PITPNC1: variants seen among roughly 807,000 people sequenced by gnomAD.
PITPNC1 encodes phosphatidylinositol transfer protein cytoplasmic 1, also known as cytoplasmic phosphatidylinositol transfer protein 1.
Under a neutral mutation model 44.7 loss-of-function variants are expected in PITPNC1, and 18 were observed. The observed-to-expected ratio is 0.40, with a 90% CI of 0.28 to 0.60. The LOEUF is 0.60. PITPNC1 is among the 20% of genes least tolerant of loss of function. The pLI, the probability that PITPNC1 is intolerant of heterozygous loss-of-function variation, is 0.39. For synonymous variants in PITPNC1, 141 were observed against 149.6 expected (o/e 0.94, Z 0.42); for missense variants, 290 against 418.4 (o/e 0.69, Z 2.68).
At chr17:67,502,464 T>C (rs1388278404) in intron 1 of PITPNC1, among the ~76,000 whole-genome samples, 1 of 152,104 alleles carries the variant, frequency 6.6e-6, no homozygotes, top group Non-Finnish European at 1.5e-5. Flanking sequence ...ATATTGAAGA[T>C]TTAAGGAACG....
chr17:67,668,635 G>T (rs891829422), intron 6 of PITPNC1, among the ~76,000 whole-genome samples: 1 of 151,998 alleles, frequency 6.6e-6, no homozygotes, highest in Non-Finnish European at 1.5e-5. Flanking sequence ...AGGCCGAGGC[G>T]GGCAGATCAC....
intron 1 of PITPNC1, among the ~76,000 whole-genome samples, chr17:67,530,962 G>A (rs1416661130): frequency 6.6e-6 from 1 of 152,194 alleles, no homozygotes; most frequent in Non-Finnish European, 1.5e-5. Flanking sequence ...TTGATTTCAG[G>A]CTGGGCACTG....
chr17:67,427,405 G>T (rs776632969), intron 1 of PITPNC1, among the ~76,000 whole-genome samples: 3 of 151,866 alleles, frequency 2.0e-5, no homozygotes, highest in Non-Finnish European at 4.4e-5. Context: ...GTAGAGATGG[G>T]GTTTCACTGT....
At position 67,668,634 on chromosome 17, in the gene PITPNC1, C is replaced by T. The variant is rs536312195; in HGVS notation, c.463-874C>T. Among the ~76,000 whole-genome samples, 8 of 152,130 alleles carry T rather than the reference C, an allele frequency of 5.3e-5. No homozygotes were observed. The East Asian group carries it at 9.7e-4, about 18-fold the overall frequency. On this transcript the variant is annotated intron_variant, in intron 6 of 8. Coordinates refer to ENST00000581322, the MANE Select transcript of PITPNC1 (RefSeq NM_012417.4). ...ATCCCAGCACTTTGGGAGGCCGAGG[C>T]GGGCAGATCACGAGGTCAGGAGATC...
chr17:67,457,696 T>C (rs2039275702), intron 1 of PITPNC1: 2 of 152,260 alleles, frequency 1.3e-5, no homozygotes, highest in African/African-American at 2.4e-5. Context: ...TATCTGGCTG[T>C]TCTTTAGGCT....
intron 2 of PITPNC1, among the ~76,000 whole-genome samples, chr17:67,541,279 C>T (rs1280452983): frequency 1.3e-5 from 2 of 151,960 alleles, no homozygotes; most frequent in African/African-American, 2.4e-5. Flanking sequence ...AGAAAAACTT[C>T]AGTAGTTTGG....
rs151106748 is a variant in PITPNC1 at position 67,676,537 on chromosome 17, C to T, written c.682+995C>T. On this transcript the variant is annotated intron_variant, in intron 8 of 8. Coordinates refer to ENST00000581322, the MANE Select transcript of PITPNC1 (RefSeq NM_012417.4). This position sits in a 1 kb window ranked among gnomAD's most constrained non-coding sequence, Gnocchi z 4.0. The stretch of plus-strand genomic sequence containing the variant: ...ATAAATAGAAAGGAACACGCCCCAC[C>T]GGTGACTTAGGTTAGATCTGATTTT... 6.6e-5 allele frequency among the ~76,000 whole-genome samples: 10 copies of T among 152,224 alleles called. No homozygotes were observed. In the East Asian group the frequency reaches 1.4e-3, roughly 21 times the overall value.
At chr17:67,487,026 C>G (rs763028276) in intron 1 of PITPNC1, among the ~76,000 whole-genome samples, 8 of 151,326 alleles carry the variant, frequency 5.3e-5, no homozygotes, top group Non-Finnish European at 8.8e-5. Context: ...GAGCAAGACT[C>G]TGTCTAAAAA....
Position 67,666,522 on chromosome 17 carries a change from G to A in PITPNC1, c.463-2986G>A, listed in dbSNP as rs1214234586. ...AGAAAAATAAGTAATAACATCAAAGGCCTTGTACCTCCTTCCTGCCAGGGC... is the reference window on the plus strand; with the variant it reads ...AGAAAAATAAGTAATAACATCAAAGACCTTGTACCTCCTTCCTGCCAGGGC... On this transcript the variant is annotated intron_variant, in intron 6 of 8. Coordinates refer to ENST00000581322, the MANE Select transcript of PITPNC1 (RefSeq NM_012417.4). Among the ~76,000 whole-genome samples the A allele has an allele frequency of 2.6e-5, 4 of 152,190 alleles. No individual in the cohort carries two copies. In the East Asian group the frequency reaches 7.7e-4, roughly 29 times the overall value.
chr17:67,452,637 C>T (rs1046165263), intron 1 of PITPNC1, among the ~76,000 whole-genome samples: 2 of 150,640 alleles, frequency 1.3e-5, no homozygotes, highest in African/African-American at 2.4e-5. Context: ...GGACTACAGG[C>T]GTGCGCCACC....
rs58157288 is a variant in PITPNC1 at position 67,555,714 on chromosome 17, G to T, written c.294+2097G>T. Among the ~76,000 whole-genome samples, 270 of 151,092 alleles carry T rather than the reference G, an allele frequency of 1.8e-3. 1 individual carries two copies. The highest frequency in any genetic ancestry group is 6.1e-3 in the African/African-American group (253 of 41,230). ...AAAAAGGTAGTTGGGTGTGGTGGCG[G>T]GCGCCTATAATCCCAGCTACTTGGG... On this transcript the variant is annotated intron_variant, in intron 4 of 8. Coordinates refer to ENST00000581322, the MANE Select transcript of PITPNC1 (RefSeq NM_012417.4).
intron 1 of PITPNC1, among the ~76,000 whole-genome samples, chr17:67,412,877 C>G (rs1246138330): frequency 1.3e-5 from 2 of 152,170 alleles, no homozygotes; most frequent in Non-Finnish European, 2.9e-5. Context: ...TCATATTTCT[C>G]TTTATACTTA....
In PITPNC1 at chr17:67,599,035, T is replaced by TATATATATATATA. The variant is rs71139161; in HGVS notation, c.366+20778_366+20779insATATATATATATA. ...ATATATATATATATATATATATATA[T>TATATATATATATA]TTTTTTTTTTTTTTTTTTTACCATG... On this transcript the variant is annotated intron_variant, in intron 5 of 8. Transcript: ENST00000581322. Among the ~76,000 whole-genome samples, 103 of 28,734 alleles carry TATATATATATATA rather than the reference T, an allele frequency of 3.6e-3. 1 individual carries two copies. The highest frequency in any genetic ancestry group is 4.2e-3 in the East Asian group (4 of 944). The allele number at this position is 28,734 out of a possible 152,430, so 18.9% of individuals were successfully genotyped here.
Position 67,584,568 on chromosome 17 carries a change from T to TC in PITPNC1, c.366+6313dup, listed in dbSNP as rs1270597307. On this transcript the variant is annotated intron_variant, in intron 5 of 8. Coordinates refer to ENST00000581322, the MANE Select transcript of PITPNC1 (RefSeq NM_012417.4). Reference sequence around the variant, plus strand: ...AAAAAAAAATAGGATAAATAATGCTTCCATCAGGGTGTAGAGGATGCATAG... The same window carrying TC: ...AAAAAAAAATAGGATAAATAATGCTTCCCATCAGGGTGTAGAGGATGCATAG... 3.3e-5 allele frequency among the ~76,000 whole-genome samples: 5 copies of TC among 152,212 alleles called. No individual in the cohort carries two copies. In the East Asian group the frequency reaches 7.7e-4, roughly 23 times the overall value.
intron 5 of PITPNC1, among the ~76,000 whole-genome samples, chr17:67,624,501 G>A (rs2041872017): frequency 6.6e-6 from 1 of 151,658 alleles, no homozygotes; most frequent in Admixed American, 6.6e-5. Flanking sequence ...GCCTTGCCAA[G>A]ATTCTTTTCT....
intron 1 of PITPNC1, among the ~76,000 whole-genome samples, chr17:67,506,908 C>G (rs547198209): frequency 4.6e-5 from 7 of 152,160 alleles, no homozygotes; most frequent in Non-Finnish European, 8.8e-5. Context: ...AATATGTACC[C>G]AAATGTTAAC....
At chr17:67,550,475 C>T (rs932338563) in intron 2 of PITPNC1, among the ~76,000 whole-genome samples, 1 of 151,652 alleles carries the variant, frequency 6.6e-6, no homozygotes, top group Non-Finnish European at 1.5e-5. Context: ...ATTTTACGGG[C>T]TCTGATTGTC....
At chr17:67,553,446 G>T (rs2040794422) in intron 3 of PITPNC1, 164 bp from the exon 4 acceptor site, 1 of 424,290 alleles carries the variant, frequency 2.4e-6, no homozygotes, top group African/African-American at 2.0e-5. Context: ...GTGCAACACG[G>T]AGACATTCAG....
At chr17:67,591,513 T>G (rs1261099807) in intron 5 of PITPNC1, among the ~76,000 whole-genome samples, 1 of 152,164 alleles carries the variant, frequency 6.6e-6, no homozygotes, top group Non-Finnish European at 1.5e-5. Flanking sequence ...CCCTGAAATA[T>G]CTAGAGGTCA....
Sources: gnomAD v4.1 joint callset for allele counts (sites outside exome capture counted in the v4.1 genomes callset) on GRCh38, gnomAD v4.1.1 for gene constraint, Gnocchi (gnomAD v3.1) non-coding constraint, MANE v1.5 for transcripts, NCBI Gene and HGNC (gene_info 2026-07-23, HGNC 2026-07-21) for gene names.